BNC2: variants seen among roughly 807,000 people sequenced by gnomAD.
The protein encoded by BNC2 is zinc finger protein basonuclin-2.
Under a neutral mutation model 76.3 loss-of-function variants are expected in BNC2, and 20 were observed. The observed-to-expected ratio is 0.26, with a 90% CI of 0.18 to 0.38. The LOEUF (loss-of-function observed/expected upper bound fraction) is 0.38. BNC2 is among the 10% of genes least tolerant of loss of function. The pLI is 1.00. For synonymous variants in BNC2, 582 were observed against 514.8 expected (o/e 1.13, Z -1.77); for missense variants, 1,382 against 1,399.8 (o/e 0.99, Z 0.20).
chr9:16,795,096 T>G (rs955826060), intron 1 of BNC2, among the ~76,000 whole-genome samples: 1 of 152,180 alleles, frequency 6.6e-6, no homozygotes, highest in Non-Finnish European at 1.5e-5. Context: ...CCAAGAAAGA[T>G]GCAATCCTCT....
chr9:16,510,638 T>C (rs1190488104), intron 5 of BNC2, among the ~76,000 whole-genome samples: 1 of 152,238 alleles, frequency 6.6e-6, no homozygotes, highest in African/African-American at 2.4e-5. Context: ...GATAAGCCTT[T>C]ACAGATTTTT....
At chr9:16,618,054 T>C (rs1820760746) in intron 3 of BNC2, among the ~76,000 whole-genome samples, 1 of 152,218 alleles carries the variant, frequency 6.6e-6, no homozygotes, top group African/African-American at 2.4e-5. Context: ...AAAGCAACTT[T>C]CGGGGCTACC....
chr9:16,617,235 A>G (rs965770673), intron 3 of BNC2, among the ~76,000 whole-genome samples: 1 of 152,188 alleles, frequency 6.6e-6, no homozygotes, highest in Non-Finnish European at 1.5e-5. Context: ...ACAAACAAAA[A>G]AACCTACTTT....
intron 3 of BNC2, among the ~76,000 whole-genome samples, chr9:16,657,783 A>G (rs1426624513): frequency 6.6e-6 from 1 of 152,250 alleles, no homozygotes; most frequent in Non-Finnish European, 1.5e-5. Flanking sequence ...ACACAAATGC[A>G]TCAATGACAT....
chr9:16,445,973 T>C (rs1056874817), intron 5 of BNC2, among the ~76,000 whole-genome samples: 3 of 152,182 alleles, frequency 2.0e-5, no homozygotes, highest in African/African-American at 7.2e-5. Flanking sequence ...AGTTAGAATG[T>C]TGGGGCTCTC....
chr9:16,844,305 C>A (rs1298097224), intron 1 of BNC2, among the ~76,000 whole-genome samples: 1 of 151,582 alleles, frequency 6.6e-6, no homozygotes, highest in Non-Finnish European at 1.5e-5. Context: ...TATTAATATA[C>A]CAACTGCATA....
At chr9:16,470,896 C>T (rs1189782084) in intron 5 of BNC2, among the ~76,000 whole-genome samples, 1 of 152,210 alleles carries the variant, frequency 6.6e-6, no homozygotes. Context: ...CCTGCTAGGG[C>T]ACTGCTTCGT....
At chr9:16,492,275 G>A (rs1822294794) in intron 5 of BNC2, among the ~76,000 whole-genome samples, 1 of 152,158 alleles carries the variant, frequency 6.6e-6, no homozygotes, top group South Asian at 2.1e-4. Flanking sequence ...TCACTTTAAA[G>A]CAGCAAGAGG....
At chr9:16,863,449 C>T (rs1041764750) in intron 1 of BNC2, among the ~76,000 whole-genome samples, 24 of 151,914 alleles carry the variant, frequency 1.6e-4, no homozygotes, top group African/African-American at 5.3e-4. Context: ...AATCCCAGCA[C>T]TTTGGGAGGC....
intron 5 of BNC2, among the ~76,000 whole-genome samples, chr9:16,470,339 A>T (rs532630992): frequency 1.3e-5 from 2 of 152,284 alleles, no homozygotes; most frequent in Admixed American, 1.3e-4. Flanking sequence ...AAAGTTTAAA[A>T]AATTTGCAGG....
At position 16,789,986 on chromosome 9, in the gene BNC2, C is replaced by T. The variant is rs142826107; in HGVS notation, c.4-51501G>A. On this transcript the variant is annotated intron_variant, in intron 1 of 6. Transcript: ENST00000380672. ...ATGCAATACCACAAAAGTGATCATG[C>T]GCGCTGAAATCATGTGAAATGATTT... 3.4e-3 allele frequency among the ~76,000 whole-genome samples: 524 copies of T among 152,184 alleles called. 8 individuals carry two copies. The highest frequency in any genetic ancestry group is 0.018 in the Admixed American group (276 of 15,272).
chr9:16,471,551 C>G (rs769276031), intron 5 of BNC2, among the ~76,000 whole-genome samples: 3 of 152,156 alleles, frequency 2.0e-5, no homozygotes, highest in Non-Finnish European at 2.9e-5. Flanking sequence ...CTTGGCCACC[C>G]AAAGTGCCAG....
intron 3 of BNC2, among the ~76,000 whole-genome samples, chr9:16,601,304 A>T (rs1409252148): frequency 1.3e-5 from 2 of 152,192 alleles, no homozygotes; most frequent in East Asian, 3.9e-4. Context: ...CAAATTTTGT[A>T]CCTCGGGCAC....
chr9:16,833,842 C>A (rs1163642287), intron 1 of BNC2, among the ~76,000 whole-genome samples: 1 of 152,092 alleles, frequency 6.6e-6, no homozygotes, highest in African/African-American at 2.4e-5. Context: ...CTCCTAGCCC[C>A]TTCCTTCCCT....
chr9:16,779,131 A>G (rs1387002625), intron 1 of BNC2, among the ~76,000 whole-genome samples: 2 of 8,184 alleles, frequency 2.4e-4, no homozygotes, highest in South Asian at 9.9e-3. Context: ...AAAAAAAAAA[A>G]AAAGAAAAGA....
intron 5 of BNC2, among the ~76,000 whole-genome samples, chr9:16,505,118 CT>C (rs1271133846): frequency 6.6e-6 from 1 of 152,112 alleles, no homozygotes; most frequent in Non-Finnish European, 1.5e-5. Flanking sequence ...AACCTATCTT[CT>C]GGGAAGATAA....
At chr9:16,443,064 C>CAAAAAAAAAAAA (rs908689709) in intron 5 of BNC2, among the ~76,000 whole-genome samples, 11 of 63,626 alleles carry the variant, frequency 1.7e-4, no homozygotes, top group Non-Finnish European at 2.0e-4. Flanking sequence ...GAGACTCTGT[C>CAAAAAAAAAAAA]AAAAAAAAAA....
At chr9:16,738,998 C>T (rs954445116) in intron 1 of BNC2, among the ~76,000 whole-genome samples, 3 of 151,024 alleles carry the variant, frequency 2.0e-5, no homozygotes, top group African/African-American at 7.3e-5. Flanking sequence ...GAATTCCATA[C>T]AACTTAGAGA....
At chr9:16,780,253 AAAAC>A (rs1563939991) in intron 1 of BNC2, among the ~76,000 whole-genome samples, 1 of 120,760 alleles carries the variant, frequency 8.3e-6, no homozygotes, top group African/African-American at 3.8e-5. Context: ...AAAAAAAAAA[AAAAC>A]AAAAAAAAAC....
Sources: allele counts gnomAD v4.1 joint callset (sites outside exome capture counted in the v4.1 genomes callset), GRCh38; gene constraint gnomAD v4.1.1; transcripts MANE v1.5; gene names NCBI Gene and HGNC (gene_info 2026-07-23, HGNC 2026-07-21).